RASGRF1: variants seen among roughly 807,000 people sequenced by gnomAD.
RASGRF1 encodes ras-specific guanine nucleotide-releasing factor 1.
Under a neutral mutation model 138.7 loss-of-function variants are expected in RASGRF1, and 40 were observed. The ratio of observed to expected loss-of-function variants is 0.29; its 90% CI spans 0.22 to 0.38. The LOEUF (loss-of-function observed/expected upper bound fraction) is 0.38. Ranked by LOEUF, RASGRF1 falls within the 10% of genes least tolerant of loss-of-function variation. The pLI is 1.00. For synonymous variants in RASGRF1, 614 were observed against 663.2 expected (o/e 0.93, Z 1.14); for missense variants, 1,108 against 1,650.4 (o/e 0.67, Z 5.69).
At chr15:79,035,409 T>G (rs2141007081) in intron 5 of RASGRF1, among the ~76,000 whole-genome samples, 199 bp from the exon 6 acceptor site, 1 of 152,320 alleles carries the variant, frequency 6.6e-6, no homozygotes, top group African/African-American at 2.4e-5. Context: ...AGGCCCCTGG[T>G]TAAAGAATCA....
At chr15:79,004,316 G>A in intron 14 of RASGRF1, 141 bp from the exon 15 acceptor site, 1 of 1,130,314 alleles carries the variant, frequency 8.8e-7, no homozygotes, top group Non-Finnish European at 1.2e-6. Context: ...TACTTGAGCT[G>A]ATCCTCTGAG....
At chr15:78,989,612 A>C (rs964427333) in intron 22 of RASGRF1, among the ~76,000 whole-genome samples, 1 of 152,308 alleles carries the variant, frequency 6.6e-6, no homozygotes, top group South Asian at 2.1e-4. Flanking sequence ...TCTTACCACA[A>C]GAAAGGCAAG....
At chr15:79,002,221 T>C (rs16970419) in intron 15 of RASGRF1, among the ~76,000 whole-genome samples, 25,495 of 152,094 alleles carry the variant, frequency 0.17, 2,454 homozygotes, top group African/African-American at 0.24. Context: ...CTGCTCCAGT[T>C]TTCCTCTGCT....
chr15:79,030,379 C>A (rs1241287327), intron 8 of RASGRF1, among the ~76,000 whole-genome samples: 1 of 152,172 alleles, frequency 6.6e-6, no homozygotes, highest in Non-Finnish European at 1.5e-5. Context: ...AGGGTGCATA[C>A]CCCCGGGCTC....
At chr15:79,054,326 T>C (rs2141040538) in intron 3 of RASGRF1, among the ~76,000 whole-genome samples, 1 of 152,292 alleles carries the variant, frequency 6.6e-6, no homozygotes, top group South Asian at 2.1e-4. Context: ...CAGAGGTGTT[T>C]TCTATTCATT....
At chr15:78,991,337 A>G (rs2056262743) in intron 21 of RASGRF1, among the ~76,000 whole-genome samples, 1 of 152,088 alleles carries the variant, frequency 6.6e-6, no homozygotes. Flanking sequence ...CAGCTACTGG[A>G]GGTCACTGGA....
Position 78,973,443 on chromosome 15 carries a change from A to G in RASGRF1, c.3495-23T>C, listed in dbSNP as rs2055811883. The G allele has an allele frequency of 2.6e-6, 4 of 1,533,828 alleles. No individual in the cohort carries two copies. The highest frequency in any genetic ancestry group is 3.6e-6 in the Non-Finnish European group (4 of 1,114,886). On this transcript the variant is annotated intron_variant, in intron 24 of 26. Transcript: ENST00000558480. The surrounding 1 kb of genome is among the most constrained non-coding windows in gnomAD (Gnocchi z 4.9). ...CAACTTGGAAGCAAACGGCATTAAC[A>G]CAAGTTTTTCATTTTAAAAAAGTAA...
At chr15:78,975,403 A>G (rs2055850587) in intron 24 of RASGRF1, among the ~76,000 whole-genome samples, 1 of 128,414 alleles carries the variant, frequency 7.8e-6, no homozygotes, top group Admixed American at 7.3e-5. Context: ...TTAAAAAAAA[A>G]AAGAAAAGAG....
rs149718603 is a variant in RASGRF1, at chr15:79,046,988, G to C, written c.636C>G (p.Phe212Leu). The change falls in exon 5 of 27, where the codon TTC (phenylalanine) becomes TTG (leucine). Residue 212 changes from phenylalanine (F) to leucine (L), a missense_variant. Around this residue, in one of 3 missense-constraint regions of RASGRF1, gnomAD observed 253 missense variants for 329.5 expected, o/e 0.77. Transcript: ENST00000558480. The surrounding 1 kb of genome is among the most constrained non-coding windows in gnomAD (Gnocchi z 5.3). ...TCCGCCGGCACAGCCAGCCCCGCAG[G>C]AAGCTCTGCACCTGAGCAGCAAGAC... Reference protein sequence around the residue: ...DIKKIKKVQSFLRGWLCRRKW... With the variant: ...DIKKIKKVQSLLRGWLCRRKW... The C allele has an allele frequency of 6.2e-7, 1 of 1,612,232 alleles. No homozygotes were observed. The highest frequency in any genetic ancestry group is 1.1e-5 in the South Asian group (1 of 91,080).
intron 25 of RASGRF1, 115 bp from the exon 26 acceptor site, chr15:78,972,049 T>C (rs746403724): frequency 1.8e-4 from 161 of 911,218 alleles, no homozygotes; most frequent in Non-Finnish European, 2.5e-4. Context: ...CTTAATTCCA[T>C]ACATGTTGCC....
intron 26 of RASGRF1, 123 bp from the exon 27 acceptor site, chr15:78,962,359 G>A: frequency 1.5e-6 from 1 of 651,448 alleles, no homozygotes. Context: ...GGGCATATGA[G>A]GCAAAAATGC....
At chr15:79,058,000 G>A (rs114411206) in intron 3 of RASGRF1, among the ~76,000 whole-genome samples, 1,608 of 152,296 alleles carry the variant, frequency 0.011, 28 homozygotes, top group African/African-American at 0.037. Flanking sequence ...ACAGTAACTA[G>A]GAGCTTGCCC....
At chr15:79,078,036 C>T (rs1266735518) in intron 1 of RASGRF1, among the ~76,000 whole-genome samples, 3 of 152,196 alleles carry the variant, frequency 2.0e-5, no homozygotes, top group African/African-American at 7.2e-5. Flanking sequence ...TCCCCGCCAT[C>T]ATTGACCTTT....
chr15:78,962,689 C>G (rs1414873588), intron 26 of RASGRF1, among the ~76,000 whole-genome samples: 1 of 151,992 alleles, frequency 6.6e-6, no homozygotes, highest in Non-Finnish European at 1.5e-5. Context: ...TTGAAACCAG[C>G]TTGGGCAACA....
At chr15:79,015,225 T>G in intron 13 of RASGRF1, 102 bp downstream of exon 13, 1 of 1,179,434 alleles carries the variant, frequency 8.5e-7, no homozygotes, top group Non-Finnish European at 1.2e-6. Flanking sequence ...GCCCAGCATC[T>G]CTGAACCCCA....
intron 25 of RASGRF1, 44 bp from the exon 26 acceptor site, chr15:78,971,978 A>G: frequency 2.0e-6 from 3 of 1,499,620 alleles, no homozygotes; most frequent in South Asian, 2.3e-5. Flanking sequence ...TTGCTCTCCT[A>G]GTTCCACCCC....
chr15:79,060,868 C>T (rs1459819639), intron 2 of RASGRF1, among the ~76,000 whole-genome samples: 4 of 151,968 alleles, frequency 2.6e-5, no homozygotes, highest in Admixed American at 6.6e-5. Flanking sequence ...TGGCATGCAC[C>T]GTTGCACAGT....
At chr15:79,045,050 A>G (rs1351010606) in intron 5 of RASGRF1, among the ~76,000 whole-genome samples, 2 of 152,240 alleles carry the variant, frequency 1.3e-5, no homozygotes, top group Non-Finnish European at 2.9e-5. Context: ...CTAAAATGCA[A>G]AAAAAGCACA....
At chr15:79,047,062 C>T (rs2141025513) in intron 4 of RASGRF1, 63 bp from the exon 5 acceptor site, 1 of 1,570,986 alleles carries the variant, frequency 6.4e-7, no homozygotes, top group Middle Eastern at 2.1e-4. Context: ...CCTGTCCTTC[C>T]AGGCTGTGAG....
Sources: allele counts gnomAD v4.1 joint callset (sites outside exome capture counted in the v4.1 genomes callset), GRCh38; gene constraint gnomAD v4.1.1; regional missense constraint gnomAD v4.1.1; non-coding constraint Gnocchi (gnomAD v3.1); transcripts MANE v1.5; gene names NCBI Gene and HGNC (gene_info 2026-07-23, HGNC 2026-07-21).